SETBP1: variants seen among roughly 807,000 people sequenced by gnomAD.
SETBP1 encodes SET binding protein 1, also known as SET-binding protein.
A neutral mutation model predicts 101.0 loss-of-function variants in SETBP1; 9 were observed. That is an observed-to-expected ratio of 0.09 (90% CI 0.05 to 0.16). The LOEUF (loss-of-function observed/expected upper bound fraction) is 0.16. Ranked by LOEUF, SETBP1 falls within the 10% of genes least tolerant of loss-of-function variation. The probability of loss-of-function intolerance (pLI) is 1.00; values close to 1 mark genes in which losing one functional copy is unlikely to be tolerated. For synonymous variants in SETBP1, 818 were observed against 788.5 expected, an observed-to-expected ratio of 1.04 and a Z score of -0.63; for missense variants, 1,858 against 2,033.8, an observed-to-expected ratio of 0.91 and a Z score of 1.66.
intron 4 of SETBP1, among the ~76,000 whole-genome samples, chr18:45,029,781 G>A (rs1275525022): frequency 2.6e-5 from 4 of 152,090 alleles, no homozygotes; most frequent in South Asian, 2.1e-4. Context: ...AATTGTGAAC[G>A]GGAGTTCGCT....
chr18:45,043,398 A>G (rs200747206), intron 5 of SETBP1, among the ~76,000 whole-genome samples: 1 of 121,790 alleles, frequency 8.2e-6, no homozygotes, highest in Non-Finnish European at 1.9e-5. Flanking sequence ...CACACACACA[A>G]ACACATACAC....
In SETBP1 at chr18:45,063,342, A is replaced by G. The variant is rs1247882567; in HGVS notation, c.4435A>G (p.Ile1479Val). Residue 1479 changes from isoleucine (I) to valine (V), a missense_variant, in exon 6 of 6, where the codon ATC (isoleucine) becomes GTC (valine). Physicochemically the swap from Ile to Val is conservative, Grantham distance 29. Coordinates refer to ENST00000649279, the MANE Select transcript of SETBP1 (RefSeq NM_015559.3). ...RDQMPVLEKCIDLPSKRGQKP... is the reference protein window; with the variant it reads ...RDQMPVLEKCVDLPSKRGQKP... ...CCAAATGCCGGTGCTGGAAAAATGC[A>G]TCGACCTGCCCAGCAAAAGAGGCCA... The G allele has an allele frequency of 1.3e-6, 2 of 1,587,046 alleles. No individual in the cohort carries two copies. The highest frequency in any genetic ancestry group is 1.4e-5 in the African/African-American group (1 of 73,996).
intron 4 of SETBP1, among the ~76,000 whole-genome samples, chr18:45,031,785 C>T (rs2073302521): frequency 6.6e-6 from 1 of 152,002 alleles, no homozygotes; most frequent in Non-Finnish European, 1.5e-5. Flanking sequence ...GAGAAATGAA[C>T]AAATAAGTAT....
At chr18:44,700,364 T>C (rs2069095392) in intron 1 of SETBP1, among the ~76,000 whole-genome samples, 1 of 152,150 alleles carries the variant, frequency 6.6e-6, no homozygotes, top group Admixed American at 6.5e-5. Context: ...TTTGCTGCTA[T>C]GGAGACACAA....
intron 2 of SETBP1, among the ~76,000 whole-genome samples, chr18:44,856,123 T>TA (rs1205812707): frequency 1.2e-3 from 169 of 145,372 alleles, no homozygotes; most frequent in Admixed American, 2.3e-3. Flanking sequence ...TCATGAAGGT[T>TA]AAAAAAAAAA....
chr18:44,812,008 G>A (rs1256211404), intron 2 of SETBP1, among the ~76,000 whole-genome samples: 1 of 152,214 alleles, frequency 6.6e-6, no homozygotes, highest in Non-Finnish European at 1.5e-5. Context: ...AGGCCCAGAA[G>A]CATCTGACTG....
chr18:44,810,887 A>C (rs1276615064), intron 2 of SETBP1, among the ~76,000 whole-genome samples: 1 of 152,220 alleles, frequency 6.6e-6, no homozygotes, highest in African/African-American at 2.4e-5. Flanking sequence ...ATTCCTTTGA[A>C]TGTCATGCAG....
At chr18:44,836,799 G>T (rs72909513) in intron 2 of SETBP1, among the ~76,000 whole-genome samples, 1,827 of 152,290 alleles carry the variant, frequency 0.012, 19 homozygotes, top group Non-Finnish European at 0.018. Context: ...CAACAGTTTG[G>T]TTTTGCTGTG....
intron 2 of SETBP1, among the ~76,000 whole-genome samples, chr18:44,798,148 T>G (rs2071522589): frequency 6.6e-6 from 1 of 152,164 alleles, no homozygotes; most frequent in Admixed American, 6.5e-5. Context: ...AGGAGGACCA[T>G]AATCACAAAA....
rs866722066 is a variant in SETBP1, at chr18:44,779,579, G to A, written c.486+77747G>A. ...ACAAACAGTTGGCAGGAGAGGATGA[G>A]GAAGAGAGAAAGGGAGAGCGAGAGG... On this transcript the variant is annotated intron_variant, in intron 2 of 5. Transcript: ENST00000649279. Among the ~76,000 whole-genome samples, 65 of 152,248 alleles carry A rather than the reference G, an allele frequency of 4.3e-4. 1 individual carries two copies. The highest frequency in any genetic ancestry group is 1.5e-3 in the African/African-American group (61 of 41,544).
intron 4 of SETBP1, among the ~76,000 whole-genome samples, chr18:44,958,013 C>A (rs1348173581): frequency 6.6e-6 from 1 of 152,172 alleles, no homozygotes; most frequent in Non-Finnish European, 1.5e-5. Context: ...GAAGACCTGT[C>A]CAAATCTTAT....
chr18:44,995,356 C>A (rs111879327), intron 4 of SETBP1, among the ~76,000 whole-genome samples: 7 of 151,886 alleles, frequency 4.6e-5, no homozygotes, highest in Non-Finnish European at 7.4e-5. Context: ...TTAGCCAGGA[C>A]GGTCTTGATC....
intron 2 of SETBP1, among the ~76,000 whole-genome samples, chr18:44,762,447 A>G (rs2070673135): frequency 6.6e-6 from 1 of 152,222 alleles, no homozygotes; most frequent in Non-Finnish European, 1.5e-5. Flanking sequence ...TCTGTGTCCC[A>G]GGTATGGAGG....
At chr18:45,027,218 T>G (rs1298320753) in intron 4 of SETBP1, among the ~76,000 whole-genome samples, 1 of 152,198 alleles carries the variant, frequency 6.6e-6, no homozygotes, top group African/African-American at 2.4e-5. Context: ...AAATGTTATC[T>G]CCTCAGTCTA....
At chr18:44,750,253 G>A (rs1359808331) in intron 2 of SETBP1, among the ~76,000 whole-genome samples, 1 of 152,168 alleles carries the variant, frequency 6.6e-6, no homozygotes, top group South Asian at 2.1e-4. Context: ...ATTCAAGGTG[G>A]CAGTAGATAG....
chr18:44,997,153 C>G (rs984987517), intron 4 of SETBP1, among the ~76,000 whole-genome samples: 2 of 152,082 alleles, frequency 1.3e-5, no homozygotes, highest in African/African-American at 4.8e-5. Context: ...CACTGCATCC[C>G]CCATCAGGCT....
intron 2 of SETBP1, among the ~76,000 whole-genome samples, chr18:44,795,109 A>G (rs542763238): frequency 5.3e-5 from 8 of 152,324 alleles, no homozygotes; most frequent in Non-Finnish European, 8.8e-5. Context: ...GCAGTGTCTT[A>G]TGAGGGGATG....
chr18:44,725,205 T>A (rs1488641467), intron 2 of SETBP1, among the ~76,000 whole-genome samples: 1 of 152,234 alleles, frequency 6.6e-6, no homozygotes, highest in Non-Finnish European at 1.5e-5. Flanking sequence ...ATCTTGATGC[T>A]GTTATTGTTC....
At chr18:44,799,393 C>T (rs2071551146) in intron 2 of SETBP1, among the ~76,000 whole-genome samples, 1 of 152,016 alleles carries the variant, frequency 6.6e-6, no homozygotes, top group South Asian at 2.1e-4. Context: ...GAAGCCTTGC[C>T]TATTAGATCC....
Sources: gnomAD v4.1 joint callset for allele counts (sites outside exome capture counted in the v4.1 genomes callset) on GRCh38, gnomAD v4.1.1 for gene constraint, MANE v1.5 for transcripts, NCBI Gene and HGNC (gene_info 2026-07-23, HGNC 2026-07-21) for gene names.